Variants in SYT16 observed in about 807,000 individuals in gnomAD.
SYT16 encodes synaptotagmin 16.
In SYT16, 42 loss-of-function variants were observed where a neutral mutation model predicts 61.4. The observed-to-expected ratio is 0.68, with a 90% confidence interval of 0.53 to 0.89. The LOEUF (loss-of-function observed/expected upper bound fraction) is 0.89. Among genes scored for constraint, SYT16 ranks in the 40% least tolerant of loss-of-function variants. The pLI, the probability that SYT16 is intolerant of heterozygous loss-of-function variation, is 0.00. For synonymous variants in SYT16, 314 were observed against 302.3 expected, an observed-to-expected ratio of 1.04 and a Z score of -0.40; for missense variants, 804 against 807.3, an observed-to-expected ratio of 1.00 and a Z score of 0.05.
intron 3 of SYT16, among the ~76,000 whole-genome samples, chr14:62,024,563 T>C (rs1355987542): frequency 1.3e-5 from 2 of 151,968 alleles, no homozygotes; most frequent in African/African-American, 2.4e-5. Flanking sequence ...TTCTCCATTT[T>C]CCCCCCACTA....
At chr14:61,863,123 T>A (rs2047016271) in intron 1 of SYT16, among the ~76,000 whole-genome samples, 1 of 152,220 alleles carries the variant, frequency 6.6e-6, no homozygotes, top group Non-Finnish European at 1.5e-5. Context: ...TTTCACGTCC[T>A]TTGGGTAAAT....
chr14:61,813,296 A>G (rs1357825042), intron 1 of SYT16, among the ~76,000 whole-genome samples: 2 of 152,188 alleles, frequency 1.3e-5, no homozygotes, highest in African/African-American at 4.8e-5. Context: ...GGCCGGCTGG[A>G]GACCGCATCT....
At chr14:61,850,157 G>A (rs1014615065) in intron 1 of SYT16, among the ~76,000 whole-genome samples, 20 of 149,036 alleles carry the variant, frequency 1.3e-4, no homozygotes, top group African/African-American at 9.9e-5. Flanking sequence ...TTTTTGAGAC[G>A]GACTTTTGCT....
intron 7 of SYT16, among the ~76,000 whole-genome samples, chr14:62,092,524 A>G (rs2057121528): frequency 6.6e-6 from 1 of 152,062 alleles, no homozygotes; most frequent in Non-Finnish European, 1.5e-5. Context: ...TGGTATATAC[A>G]TATAAGGAAT....
chr14:61,915,865 C>T (rs540343731), intron 1 of SYT16, among the ~76,000 whole-genome samples: 1 of 152,168 alleles, frequency 6.6e-6, no homozygotes, highest in Non-Finnish European at 1.5e-5. Context: ...ATTATTAATC[C>T]TTTCCCTGCT....
chr14:62,063,837 A>G (rs2055937484), intron 3 of SYT16, among the ~76,000 whole-genome samples: 1 of 152,206 alleles, frequency 6.6e-6, no homozygotes, highest in Non-Finnish European at 1.5e-5. Context: ...CAAGAAGCCC[A>G]CAGTAGCACC....
chr14:61,916,489 A>G (rs1415934011), intron 1 of SYT16, among the ~76,000 whole-genome samples: 1 of 151,972 alleles, frequency 6.6e-6, no homozygotes, highest in Non-Finnish European at 1.5e-5. Flanking sequence ...TATTTATGGG[A>G]TATATGTGAT....
At chr14:62,020,491 T>C (rs2053869161) in intron 3 of SYT16, among the ~76,000 whole-genome samples, 1 of 152,218 alleles carries the variant, frequency 6.6e-6, no homozygotes, top group African/African-American at 2.4e-5. Flanking sequence ...CCAGGAATTG[T>C]TGAATTGAAT....
intron 1 of SYT16, among the ~76,000 whole-genome samples, chr14:61,946,686 C>A (rs1216572453): frequency 6.6e-6 from 1 of 152,142 alleles, no homozygotes; most frequent in Non-Finnish European, 1.5e-5. Flanking sequence ...CTGAATAATA[C>A]TCTTTCAGAG....
chr14:61,953,793 C>G (rs569477028), intron 1 of SYT16, among the ~76,000 whole-genome samples: 1 of 152,334 alleles, frequency 6.6e-6, no homozygotes, highest in East Asian at 1.9e-4. Context: ...CCCAGGTCAC[C>G]TCTACTCTGA....
chr14:61,816,133 T>A (rs113779382), intron 1 of SYT16, among the ~76,000 whole-genome samples: 3 of 152,298 alleles, frequency 2.0e-5, no homozygotes, highest in African/African-American at 7.2e-5. Context: ...TCTTGTGTCA[T>A]TTTTGCCTGT....
chr14:61,978,321 T>C (rs962146400), intron 2 of SYT16, among the ~76,000 whole-genome samples: 1 of 152,176 alleles, frequency 6.6e-6, no homozygotes, highest in African/African-American at 2.4e-5. Context: ...GATTCTCTTT[T>C]CTCAATTTTC....
At chr14:61,894,329 T>G (rs1406241728) in intron 1 of SYT16, among the ~76,000 whole-genome samples, 1 of 151,186 alleles carries the variant, frequency 6.6e-6, no homozygotes, top group Non-Finnish European at 1.5e-5. Flanking sequence ...AGGTTCTCGG[T>G]TCTCTCTCCG....
At chr14:61,953,836 G>T (rs186543738) in intron 1 of SYT16, among the ~76,000 whole-genome samples, 1 of 152,178 alleles carries the variant, frequency 6.6e-6, no homozygotes, top group African/African-American at 2.4e-5. Context: ...GAGGCGCTGT[G>T]GTCCTTAGGG....
intron 3 of SYT16, among the ~76,000 whole-genome samples, chr14:62,058,028 A>T (rs2055643495): frequency 6.6e-6 from 1 of 152,244 alleles, no homozygotes; most frequent in South Asian, 2.1e-4. Flanking sequence ...ATGGAGTTAT[A>T]TAATGCACAT....
intron 3 of SYT16, among the ~76,000 whole-genome samples, chr14:62,034,925 A>G (rs181588725): frequency 1.3e-4 from 20 of 152,334 alleles, no homozygotes; most frequent in South Asian, 6.2e-4. Flanking sequence ...GTTCCAGTTG[A>G]TCTTCCAGAA....
intron 1 of SYT16, among the ~76,000 whole-genome samples, chr14:61,891,240 G>GCA (rs1555353023): frequency 1.4e-4 from 12 of 85,758 alleles, no homozygotes; most frequent in African/African-American, 6.3e-4. Context: ...ATACACACAC[G>GCA]CGCACACACA....
At chr14:61,823,593 A>AAAAAAAAAC (rs2045683501) in intron 1 of SYT16, among the ~76,000 whole-genome samples, 1 of 151,234 alleles carries the variant, frequency 6.6e-6, no homozygotes, top group Non-Finnish European at 1.5e-5. Flanking sequence ...AAAAAAAAAA[A>AAAAAAAAAC]AAAGAAGAAT....
chr14:61,834,428 CTTT>C (rs35260303), intron 1 of SYT16, among the ~76,000 whole-genome samples: 6 of 76,850 alleles, frequency 7.8e-5, no homozygotes, highest in Admixed American at 3.1e-4. Flanking sequence ...CCGTGCCTGG[CTTT>C]TTTTTTTTTT....
Sources: gnomAD v4.1 joint callset for allele counts (sites outside exome capture counted in the v4.1 genomes callset) on GRCh38, gnomAD v4.1.1 for gene constraint, MANE v1.5 for transcripts, NCBI Gene and HGNC (gene_info 2026-07-23, HGNC 2026-07-21) for gene names.